The following EEPD1 variants were observed in gnomAD, a reference collection of about 807,000 sequenced individuals.
EEPD1 encodes endonuclease/exonuclease/phosphatase family domain-containing protein 1.
A neutral mutation model predicts 46.3 loss-of-function variants in EEPD1; 17 were observed. The ratio of observed to expected loss-of-function variants is 0.37; its 90% CI spans 0.25 to 0.55. The LOEUF is 0.55. EEPD1 is among the 20% of genes least tolerant of loss of function. EEPD1 has a pLI of 0.83. For synonymous variants in EEPD1, 313 were observed against 315.6 expected (o/e 0.99, Z 0.09); for missense variants, 673 against 745.6 (o/e 0.90, Z 1.13).
chr7:36,162,178 C>T (rs766844701), intron 2 of EEPD1, among the ~76,000 whole-genome samples: 4 of 152,204 alleles, frequency 2.6e-5, no homozygotes, highest in Admixed American at 6.5e-5. Context: ...GCAGCTTCCT[C>T]ACCCTCCTTC....
chr7:36,188,209 CTCTT>C (rs80266912), intron 2 of EEPD1, among the ~76,000 whole-genome samples: 5,611 of 152,256 alleles, frequency 0.037, 147 homozygotes, highest in East Asian at 0.11. Flanking sequence ...ATCTTACTCT[CTCTT>C]TCTCTCTCTC....
rs1262622464 is a variant in EEPD1, at chr7:36,154,869, G to T, written c.545G>T (p.Gly182Val). 6.2e-7 allele frequency: 1 copy of T among 1,614,064 alleles called. No homozygotes were observed. Among genetic ancestry groups the T allele is most frequent in the Non-Finnish European group, 8.5e-7 (1 of 1,180,046 alleles). ...GTTGAGGACCTAGTGAGGATGGATG[G>T]TATCAATGCCGCCTTCCTGGACAGG... ...RSVEDLVRMD[G>V]INAAFLDRIR... Residue 182 changes from glycine (G) to valine (V), a missense_variant, in exon 2 of 8, where the codon GGT (glycine) becomes GTT (valine). Physicochemically the swap from Gly to Val is moderately radical, Grantham distance 109. Coordinates refer to ENST00000242108, the MANE Select transcript of EEPD1 (RefSeq NM_030636.3). This position sits in a 1 kb window ranked among gnomAD's most constrained non-coding sequence, Gnocchi z 4.2.
chr7:36,288,479 A>G (rs1787373610), intron 6 of EEPD1, among the ~76,000 whole-genome samples: 1 of 152,178 alleles, frequency 6.6e-6, no homozygotes. Flanking sequence ...GCAGAATTCT[A>G]GCTAGGCACG....
chr7:36,166,856 A>G (rs1408642632), intron 2 of EEPD1, among the ~76,000 whole-genome samples: 3 of 152,212 alleles, frequency 2.0e-5, no homozygotes, highest in Non-Finnish European at 4.4e-5. Flanking sequence ...GAATACTGAG[A>G]AGGAAGAGTG....
chr7:36,289,635 T>C (rs532306957), intron 6 of EEPD1, among the ~76,000 whole-genome samples: 32 of 152,276 alleles, frequency 2.1e-4, no homozygotes, highest in East Asian at 1.9e-3. Context: ...GCTGGGACTA[T>C]AGGCGCCCGC....
chr7:36,210,155 A>G (rs948939684), intron 2 of EEPD1, among the ~76,000 whole-genome samples: 8 of 152,168 alleles, frequency 5.3e-5, no homozygotes, highest in South Asian at 2.1e-4. Flanking sequence ...TTAAGAGTTA[A>G]TTGTTGTAAC....
chr7:36,267,188 C>T (rs1160239180), intron 3 of EEPD1, among the ~76,000 whole-genome samples: 1 of 152,198 alleles, frequency 6.6e-6, no homozygotes, highest in Admixed American at 6.5e-5. Flanking sequence ...TTGTGGCCAC[C>T]CTGGCCCTTC....
intron 7 of EEPD1, 120 bp downstream of exon 7, chr7:36,297,307 C>T: frequency 9.1e-7 from 1 of 1,104,384 alleles, no homozygotes; most frequent in East Asian, 2.6e-5. Flanking sequence ...GTTTACGTGA[C>T]TGTATAACTG....
chr7:36,286,033 A>G (rs1293607078), intron 5 of EEPD1, among the ~76,000 whole-genome samples: 2 of 151,902 alleles, frequency 1.3e-5, no homozygotes, highest in South Asian at 4.2e-4. Context: ...GCCTCCTAAC[A>G]CCACCCTGGG....
chr7:36,164,265 A>G (rs1784945921), intron 2 of EEPD1, among the ~76,000 whole-genome samples: 1 of 152,244 alleles, frequency 6.6e-6, no homozygotes. Flanking sequence ...CTTAGAAACA[A>G]CTTATCTTTC....
intron 6 of EEPD1, among the ~76,000 whole-genome samples, chr7:36,294,838 A>G (rs371647339): frequency 6.6e-6 from 1 of 152,162 alleles, no homozygotes; most frequent in East Asian, 1.9e-4. Context: ...GATGAAAGGA[A>G]CCAGGGCTCC....
At position 36,154,931 on chromosome 7, in the gene EEPD1, C is replaced by G. The variant is rs753296627; in HGVS notation, c.607C>G (p.Pro203Ala). 6.2e-7 allele frequency: 1 copy of G among 1,614,088 alleles called. No homozygotes were observed. Among genetic ancestry groups the G allele is most frequent in the Non-Finnish European group, 8.5e-7 (1 of 1,180,016 alleles). The change falls in exon 2 of 8, where the codon CCA becomes GCA. Residue 203 changes from proline to alanine, a missense_variant. Transcript: ENST00000242108. The surrounding 1 kb of genome is among the most constrained non-coding windows in gnomAD (Gnocchi z 4.2). Reference sequence around the variant, plus strand: ...GGTGTTTGCTGAGAGGTCCAGGCCCCCATCCACCCACACGAACGGGGGACT... The same window carrying G: ...GGTGTTTGCTGAGAGGTCCAGGCCCGCATCCACCCACACGAACGGGGGACT... ...HQVFAERSRP[P>A]STHTNGGLTF...
At chr7:36,226,194 C>G (rs1311644061) in intron 2 of EEPD1, among the ~76,000 whole-genome samples, 3 of 152,170 alleles carry the variant, frequency 2.0e-5, no homozygotes, top group African/African-American at 7.2e-5. Context: ...TGTAATGCTG[C>G]TTGTCCGAAA....
intron 3 of EEPD1, among the ~76,000 whole-genome samples, chr7:36,266,452 T>C (rs1236063628): frequency 1.3e-5 from 2 of 152,278 alleles, no homozygotes; most frequent in African/African-American, 4.8e-5. Context: ...ACGACAGCGG[T>C]AGCCTAGAGC....
At position 36,193,088 on chromosome 7, in the gene EEPD1, A is replaced by G. The variant is rs1785487019; in HGVS notation, c.878+37886A>G. ...GCTGGGTGCTAGTCTGCACTGAAGA[A>G]CCCCCAGCCCAGTGGGGGAGGCAAG... On this transcript the variant is annotated intron_variant, in intron 2 of 7. Coordinates refer to ENST00000242108, the MANE Select transcript of EEPD1 (RefSeq NM_030636.3). This position sits in a 1 kb window ranked among gnomAD's most constrained non-coding sequence, Gnocchi z 4.9. Among the ~76,000 whole-genome samples, 1 of 151,764 alleles carries G rather than the reference A, an allele frequency of 6.6e-6. No homozygotes were observed. The highest frequency in any genetic ancestry group is 1.5e-5 in the Non-Finnish European group (1 of 67,960).
Position 36,154,304 on chromosome 7 carries a change from G to T in EEPD1, c.-21G>T. On this transcript the variant is annotated 5_prime_UTR_variant, in exon 2 of 8. Transcript: ENST00000242108. The surrounding 1 kb of genome is among the most constrained non-coding windows in gnomAD (Gnocchi z 4.2). Reference sequence around the variant, plus strand: ...CTTCTGCAGTGGTGCGGCCTTCCCGGGAGCCTGATCCTGGCGGACCATGGG... The same window carrying T: ...CTTCTGCAGTGGTGCGGCCTTCCCGTGAGCCTGATCCTGGCGGACCATGGG... The T allele has an allele frequency of 6.3e-7, 1 of 1,597,442 alleles. No individual in the cohort carries two copies.
In EEPD1 at chr7:36,284,433, T is replaced by A. The variant is rs541676110; in HGVS notation, c.1042-253T>A. On this transcript the variant is annotated intron_variant, in intron 4 of 7. Coordinates refer to ENST00000242108, the MANE Select transcript of EEPD1 (RefSeq NM_030636.3). ...GTGCCTAGCCGGGGCTTCACCCACC[T>A]CCCCCCAAAGACAGAAGAGCCCAGG... 3.9e-5 allele frequency among the ~76,000 whole-genome samples: 6 copies of A among 152,054 alleles called. No individual in the cohort carries two copies. The South Asian group carries it at 1.2e-3, about 32-fold the overall frequency.
At chr7:36,237,588 G>A (rs777780051) in intron 2 of EEPD1, among the ~76,000 whole-genome samples, 5 of 152,132 alleles carry the variant, frequency 3.3e-5, no homozygotes, top group South Asian at 2.1e-4. Flanking sequence ...TGGACCTTGT[G>A]CAAAAAAGAA....
intron 2 of EEPD1, among the ~76,000 whole-genome samples, chr7:36,186,386 A>G (rs1785360740): frequency 6.6e-6 from 1 of 152,222 alleles, no homozygotes; most frequent in Non-Finnish European, 1.5e-5. Context: ...GAAGTCTTTC[A>G]TAAGTGGGGT....
Sources: gnomAD v4.1 joint callset for allele counts (sites outside exome capture counted in the v4.1 genomes callset) on GRCh38, gnomAD v4.1.1 for gene constraint, Gnocchi (gnomAD v3.1) non-coding constraint, MANE v1.5 for transcripts, NCBI Gene and HGNC (gene_info 2026-07-23, HGNC 2026-07-21) for gene names.